The following VPS13B variants were observed in gnomAD, a reference collection of about 807,000 sequenced individuals.
The protein encoded by VPS13B is intermembrane lipid transfer protein VPS13B.
A neutral mutation model predicts 426.4 loss-of-function variants in VPS13B; 285 were observed. The observed-to-expected ratio is 0.67, with a 90% CI of 0.61 to 0.74. The LOEUF is 0.74. VPS13B is among the 30% of genes least tolerant of loss of function. The pLI is 0.00. For missense variants in VPS13B, 4,537 were observed against 4,782.6 expected, an observed-to-expected ratio of 0.95 and a Z score of 1.51; for synonymous variants, 1,676 against 1,676.4, an observed-to-expected ratio of 1.00 and a Z score of 0.01.
chr8:99,226,029 C>T (rs1344051206), intron 17 of VPS13B, among the ~76,000 whole-genome samples: 7 of 152,090 alleles, frequency 4.6e-5, no homozygotes, highest in East Asian at 1.9e-4. Flanking sequence ...ACTGCCAGCT[C>T]GGCCTCCTGT....
chr8:99,525,544 T>A (rs1822599396), intron 30 of VPS13B, among the ~76,000 whole-genome samples: 2 of 152,154 alleles, frequency 1.3e-5, no homozygotes, highest in Admixed American at 6.5e-5. Context: ...ATGAAAATCT[T>A]TCAAATTATA....
intron 30 of VPS13B, among the ~76,000 whole-genome samples, chr8:99,540,326 G>A (rs1371166291): frequency 7.9e-5 from 12 of 151,230 alleles, no homozygotes; most frequent in Non-Finnish European, 1.3e-4. Context: ...TGATCCACCC[G>A]CCTCAGCCTC....
At chr8:99,215,577 G>C (rs978777853) in intron 17 of VPS13B, among the ~76,000 whole-genome samples, 1 of 152,184 alleles carries the variant, frequency 6.6e-6, no homozygotes, top group Non-Finnish European at 1.5e-5. Flanking sequence ...AGAAACTCAT[G>C]CATGTGATTC....
At chr8:99,544,218 AAAC>A (rs1389715166) in intron 30 of VPS13B, among the ~76,000 whole-genome samples, 1 of 152,184 alleles carries the variant, frequency 6.6e-6, no homozygotes, top group African/African-American at 2.4e-5. Flanking sequence ...CAAGAACAAA[AAAC>A]CAAACACCGC....
At chr8:99,793,514 A>T (rs1812666456) in intron 43 of VPS13B, among the ~76,000 whole-genome samples, 1 of 152,036 alleles carries the variant, frequency 6.6e-6, no homozygotes, top group Non-Finnish European at 1.5e-5. Flanking sequence ...GAGAAGGTTT[A>T]ACTTGATAGA....
intron 3 of VPS13B, among the ~76,000 whole-genome samples, chr8:99,043,343 T>A (rs894299324): frequency 6.6e-6 from 1 of 152,090 alleles, no homozygotes; most frequent in African/African-American, 2.4e-5. Context: ...GGTAGACTAT[T>A]AATAATCAGT....
intron 33 of VPS13B, among the ~76,000 whole-genome samples, chr8:99,591,084 T>G (rs1826638888): frequency 6.6e-6 from 1 of 152,108 alleles, no homozygotes; most frequent in African/African-American, 2.4e-5. Flanking sequence ...CCTTTACCAT[T>G]ATGTAATGGC....
intron 17 of VPS13B, among the ~76,000 whole-genome samples, chr8:99,221,157 A>C (rs987845263): frequency 7.5e-6 from 1 of 133,854 alleles, no homozygotes; most frequent in Non-Finnish European, 1.6e-5. Flanking sequence ...CATGGTGTAT[A>C]TGTGCCACAT....
intron 4 of VPS13B, among the ~76,000 whole-genome samples, chr8:99,099,930 T>C (rs1846635968): frequency 6.6e-6 from 1 of 152,156 alleles, no homozygotes; most frequent in South Asian, 2.1e-4. Context: ...TATTACATCT[T>C]GTAGGTTCTC....
chr8:99,619,006 C>A (rs191390756), intron 33 of VPS13B, among the ~76,000 whole-genome samples: 208 of 152,232 alleles, frequency 1.4e-3, no homozygotes, highest in African/African-American at 4.6e-3. Flanking sequence ...CTGCTTTCCT[C>A]ATGGTGGTGT....
chr8:99,139,385 A>G (rs1303730667), intron 12 of VPS13B, among the ~76,000 whole-genome samples: 1 of 150,978 alleles, frequency 6.6e-6, no homozygotes, highest in Admixed American at 6.6e-5. Context: ...TTTGAACCCA[A>G]CCTATCCAGC....
At chr8:99,068,815 T>A (rs1844694300) in intron 3 of VPS13B, among the ~76,000 whole-genome samples, 1 of 152,212 alleles carries the variant, frequency 6.6e-6, no homozygotes, top group African/African-American at 2.4e-5. Flanking sequence ...TCCAGTCACC[T>A]CCCACCAGGT....
intron 39 of VPS13B, among the ~76,000 whole-genome samples, chr8:99,740,634 A>G (rs1305547094): frequency 1.3e-5 from 2 of 152,194 alleles, no homozygotes; most frequent in Admixed American, 1.3e-4. Context: ...CTCAGCAGAA[A>G]CTCTACATGC....
intron 2 of VPS13B, among the ~76,000 whole-genome samples, chr8:99,031,865 A>G (rs573751280): frequency 6.6e-6 from 1 of 152,370 alleles, no homozygotes; most frequent in South Asian, 2.1e-4. Flanking sequence ...GCCCCAAGGC[A>G]GAATGCACTC....
intron 3 of VPS13B, among the ~76,000 whole-genome samples, chr8:99,086,942 T>A (rs1182042902): frequency 6.6e-6 from 1 of 152,160 alleles, no homozygotes; most frequent in Non-Finnish European, 1.5e-5. Context: ...GGTTCTCAGA[T>A]CTGCAGCTGT....
intron 23 of VPS13B, among the ~76,000 whole-genome samples, chr8:99,464,074 G>A (rs1326244982): frequency 6.6e-6 from 1 of 150,486 alleles, no homozygotes; most frequent in African/African-American, 2.5e-5. Flanking sequence ...ATTTATGTTT[G>A]TAGTACATCT....
intron 34 of VPS13B, among the ~76,000 whole-genome samples, chr8:99,650,244 G>T (rs1173810158): frequency 6.6e-6 from 1 of 152,066 alleles, no homozygotes; most frequent in East Asian, 1.9e-4. Flanking sequence ...TGCTCCCAAG[G>T]AGTTGTCAGC....
chr8:99,373,843 A>G (rs914820004), intron 19 of VPS13B, among the ~76,000 whole-genome samples: 2 of 152,176 alleles, frequency 1.3e-5, no homozygotes, highest in African/African-American at 4.8e-5. Flanking sequence ...CCCTGCTTCA[A>G]AAAAGTAACA....
chr8:99,520,537 A>G (rs964605853), intron 29 of VPS13B, among the ~76,000 whole-genome samples: 1 of 151,984 alleles, frequency 6.6e-6, no homozygotes, highest in African/African-American at 2.4e-5. Context: ...AGTATTAAGA[A>G]CCCAAAGCTG....
Sources: gnomAD v4.1 joint callset for allele counts (sites outside exome capture counted in the v4.1 genomes callset) on GRCh38, gnomAD v4.1.1 for gene constraint, MANE v1.5 for transcripts, NCBI Gene and HGNC (gene_info 2026-07-23, HGNC 2026-07-21) for gene names.